Variants in ZFHX3 observed in about 807,000 individuals in gnomAD.
The protein encoded by ZFHX3 is zinc finger homeobox 3.
Under a neutral mutation model 279.1 loss-of-function variants are expected in ZFHX3, and 42 were observed. The observed-to-expected ratio is 0.15, with a 90% CI of 0.12 to 0.19. The LOEUF is 0.19. Among genes scored for constraint, ZFHX3 ranks in the 10% least tolerant of loss-of-function variants. The pLI, the probability that ZFHX3 is intolerant of heterozygous loss-of-function variation, is 1.00. For missense variants in ZFHX3, 4,981 were observed against 4,754.0 expected (o/e 1.05, Z -1.40); for synonymous variants, 2,293 against 1,957.8 (o/e 1.17, Z -4.52).
At chr16:73,290,814 C>T (rs2014750377) in intron 4 of ZFHX3, among the ~76,000 whole-genome samples, 1 of 152,184 alleles carries the variant, frequency 6.6e-6, no homozygotes, top group Admixed American at 6.5e-5. Context: ...AGCTTGGGGG[C>T]TTAGCTGTGT....
chr16:72,885,040 GTT>G (rs1202804104), intron 4 of ZFHX3, among the ~76,000 whole-genome samples: 1 of 152,268 alleles, frequency 6.6e-6, no homozygotes, highest in Non-Finnish European at 1.5e-5. Flanking sequence ...CACCTGGTTA[GTT>G]ACTGTCTTTG....
At chr16:73,794,797 A>G (rs778884597) in intron 1 of ZFHX3, among the ~76,000 whole-genome samples, 33 of 152,218 alleles carry the variant, frequency 2.2e-4, no homozygotes, top group Non-Finnish European at 4.3e-4. Flanking sequence ...TAGGGTTTAC[A>G]TATTACATAG....
At chr16:73,164,690 ACT>A (rs1254017427) in intron 5 of ZFHX3, among the ~76,000 whole-genome samples, 3 of 141,250 alleles carry the variant, frequency 2.1e-5, no homozygotes, top group African/African-American at 8.4e-5. Flanking sequence ...ACAAAGTGAG[ACT>A]CTGTTGAAAA....
chr16:73,546,466 G>A (rs2020109467), intron 2 of ZFHX3, among the ~76,000 whole-genome samples: 1 of 147,944 alleles, frequency 6.8e-6, no homozygotes, highest in African/African-American at 2.5e-5. Flanking sequence ...TTACAGGGTC[G>A]GTAGTTGTTT....
At chr16:73,032,080 C>T (rs931832507) in intron 1 of ZFHX3, among the ~76,000 whole-genome samples, 1 of 152,128 alleles carries the variant, frequency 6.6e-6, no homozygotes, top group African/African-American at 2.4e-5. Context: ...GTGGCTCACG[C>T]CTGTAATTGC....
intron 3 of ZFHX3, among the ~76,000 whole-genome samples, chr16:73,322,278 G>C (rs567619213): frequency 1.6e-5 from 2 of 122,964 alleles, no homozygotes; most frequent in East Asian, 4.1e-4. Flanking sequence ...AATCTTCATG[G>C]CTTTTTTTTT....
chr16:73,857,948 T>C (rs1961779725), intron 1 of ZFHX3, among the ~76,000 whole-genome samples: 1 of 151,994 alleles, frequency 6.6e-6, no homozygotes, highest in African/African-American at 2.4e-5. Context: ...ATACAAAAAT[T>C]AGCAGAGCTG....
At chr16:72,986,261 G>T (rs1962837235) in intron 1 of ZFHX3, among the ~76,000 whole-genome samples, 1 of 152,126 alleles carries the variant, frequency 6.6e-6, no homozygotes, top group South Asian at 2.1e-4. Flanking sequence ...AGCCACTCAG[G>T]GCCTTCAGAT....
At chr16:72,839,686 T>C (rs1281675041) in intron 4 of ZFHX3, among the ~76,000 whole-genome samples, 1 of 152,138 alleles carries the variant, frequency 6.6e-6, no homozygotes, top group Admixed American at 6.6e-5. Flanking sequence ...GAGTATTTAT[T>C]TGCTCATCAG....
At chr16:72,809,311 A>G (rs1200058665) in intron 7 of ZFHX3, 1 of 152,208 alleles carries the variant, frequency 6.6e-6, no homozygotes, top group Non-Finnish European at 1.5e-5. Context: ...AGTATTGACA[A>G]TGCTTCCCTC....
At chr16:73,580,076 C>G (rs1256085962) in intron 2 of ZFHX3, among the ~76,000 whole-genome samples, 2 of 150,590 alleles carry the variant, frequency 1.3e-5, no homozygotes, top group Non-Finnish European at 2.9e-5. Context: ...ATGAAAGCAT[C>G]CTGTCTTTAG....
intron 3 of ZFHX3, among the ~76,000 whole-genome samples, chr16:73,333,611 G>A (rs186066310): frequency 3.9e-4 from 59 of 152,026 alleles, no homozygotes; most frequent in Non-Finnish European, 5.9e-5. Context: ...GGACAATAAC[G>A]AGGGTGGATG....
At chr16:73,812,885 T>C (rs569362892) in intron 1 of ZFHX3, among the ~76,000 whole-genome samples, 2 of 152,234 alleles carry the variant, frequency 1.3e-5, no homozygotes, top group African/African-American at 4.8e-5. Context: ...AATCTCCTTA[T>C]GCCTGTTAAC....
chr16:73,389,760 G>A (rs1002855829), intron 3 of ZFHX3, among the ~76,000 whole-genome samples: 6 of 152,324 alleles, frequency 3.9e-5, no homozygotes, highest in South Asian at 2.1e-4. Flanking sequence ...AAAGGGGGAC[G>A]ATCCTTTTTG....
rs914135087 is a variant in ZFHX3, at chr16:72,956,498, G to A, written c.2719+929C>T. On this transcript the variant is annotated intron_variant, in intron 2 of 9. Transcript: ENST00000268489. ...TTTGGCAGCAGCAGCTATCCTCAAA[G>A]TGGCTGTGGTTCGTTCTACGTAAAA... 1.1e-4 allele frequency among the ~76,000 whole-genome samples: 17 copies of A among 152,120 alleles called. 1 individual carries two copies. The highest frequency in any genetic ancestry group is 1.1e-3 in the Admixed American group (17 of 15,280).
chr16:73,517,333 C>G (rs918759264), intron 2 of ZFHX3, among the ~76,000 whole-genome samples: 2 of 152,168 alleles, frequency 1.3e-5, no homozygotes, highest in African/African-American at 4.8e-5. Flanking sequence ...CTCATGCTCC[C>G]TCAACAGACT....
intron 3 of ZFHX3, among the ~76,000 whole-genome samples, chr16:73,329,823 G>A (rs2015765840): frequency 6.6e-6 from 1 of 152,216 alleles, no homozygotes; most frequent in Non-Finnish European, 1.5e-5. Context: ...CAAGTGACAA[G>A]TTATGGGAAA....
At chr16:73,859,872 G>A (rs1961834956) in intron 1 of ZFHX3, among the ~76,000 whole-genome samples, 1 of 152,196 alleles carries the variant, frequency 6.6e-6, no homozygotes, top group Non-Finnish European at 1.5e-5. Flanking sequence ...ATTTGGAAAT[G>A]AAGATAACAT....
intron 7 of ZFHX3, among the ~76,000 whole-genome samples, chr16:73,130,639 C>T (rs1966663020): frequency 6.6e-6 from 1 of 152,218 alleles, no homozygotes. Flanking sequence ...TGGAGTCTTG[C>T]TCTGTCTCTG....
Sources: allele counts gnomAD v4.1 joint callset (sites outside exome capture counted in the v4.1 genomes callset), GRCh38; gene constraint gnomAD v4.1.1; transcripts MANE v1.5; gene names NCBI Gene and HGNC (gene_info 2026-07-23, HGNC 2026-07-21).